Variants in PLXDC2 observed in about 807,000 individuals in gnomAD.
PLXDC2 encodes plexin domain-containing protein 2.
Under a neutral mutation model 68.9 loss-of-function variants are expected in PLXDC2, and 40 were observed. The observed-to-expected ratio is 0.58, with a 90% CI of 0.45 to 0.76. PLXDC2 has a LOEUF of 0.76. Among genes scored for constraint, PLXDC2 ranks in the 30% least tolerant of loss-of-function variants. The probability of loss-of-function intolerance (pLI) is 0.00; values close to 1 mark genes in which losing one functional copy is unlikely to be tolerated. For synonymous variants in PLXDC2, 243 were observed against 234.2 expected, an observed-to-expected ratio of 1.04 and a Z score of -0.34; for missense variants, 644 against 661.9, an observed-to-expected ratio of 0.97 and a Z score of 0.30.
At chr10:20,078,955 G>C (rs72791883) in intron 4 of PLXDC2, among the ~76,000 whole-genome samples, 16,397 of 151,974 alleles carry the variant, frequency 0.11, 1,036 homozygotes, top group South Asian at 0.3. Flanking sequence ...AAGAAAACTA[G>C]AGAAGAATTA....
chr10:19,999,874 A>G (rs1834905078), intron 1 of PLXDC2, among the ~76,000 whole-genome samples: 2 of 152,328 alleles, frequency 1.3e-5, no homozygotes, highest in South Asian at 4.1e-4. Context: ...CTGCTTTTGC[A>G]GGCAGGATAT....
chr10:20,083,476 CAAAAAAAA>C (rs376829237), intron 4 of PLXDC2, among the ~76,000 whole-genome samples: 1 of 121,408 alleles, frequency 8.2e-6, no homozygotes, highest in African/African-American at 3.0e-5. Context: ...GACTCCGTCT[CAAAAAAAA>C]AAAAAAAAAA....
chr10:19,924,970 C>T (rs532634484), intron 1 of PLXDC2, among the ~76,000 whole-genome samples: 23 of 152,134 alleles, frequency 1.5e-4, no homozygotes, highest in Admixed American at 2.6e-4. Flanking sequence ...TATTTCTTAT[C>T]GGTTACCTCG....
chr10:20,115,908 A>G (rs940877956), intron 4 of PLXDC2, among the ~76,000 whole-genome samples: 3 of 152,132 alleles, frequency 2.0e-5, no homozygotes, highest in African/African-American at 4.8e-5. Flanking sequence ...TCACACATTA[A>G]ACGGGAGCTG....
intron 2 of PLXDC2, among the ~76,000 whole-genome samples, chr10:20,044,219 T>TCTCTCTCTCTCTC (rs1835745511): frequency 6.8e-5 from 1 of 14,686 alleles, no homozygotes; most frequent in Non-Finnish European, 1.2e-4. Flanking sequence ...CTGTCTTTCT[T>TCTCTCTCTCTCTC]TCTTTCTTTC....
chr10:20,089,197 TG>T, intron 4 of PLXDC2, among the ~76,000 whole-genome samples: 1 of 151,706 alleles, frequency 6.6e-6, no homozygotes, highest in African/African-American at 2.4e-5. Context: ...TGTGTGTGTG[TG>T]TGTGTGTGTG....
intron 1 of PLXDC2, among the ~76,000 whole-genome samples, chr10:19,842,716 G>T (rs1040862483): frequency 7.9e-5 from 12 of 152,166 alleles, no homozygotes; most frequent in Admixed American, 6.5e-5. Context: ...TAAACACATT[G>T]CAAATTTAGA....
At chr10:20,236,995 T>G (rs1179855648) in intron 12 of PLXDC2, among the ~76,000 whole-genome samples, 2 of 129,514 alleles carry the variant, frequency 1.5e-5, no homozygotes, top group African/African-American at 5.5e-5. Context: ...GGATTATGAG[T>G]TGTTGTTTTT....
At chr10:20,224,528 A>G (rs1835261135) in intron 12 of PLXDC2, among the ~76,000 whole-genome samples, 1 of 152,216 alleles carries the variant, frequency 6.6e-6, no homozygotes, top group Admixed American at 6.5e-5. Flanking sequence ...AGAAATGTAG[A>G]TGTCTTCAAA....
At chr10:20,238,167 C>CAT (rs1434986459) in intron 12 of PLXDC2, among the ~76,000 whole-genome samples, 1 of 149,380 alleles carries the variant, frequency 6.7e-6, no homozygotes, top group African/African-American at 2.4e-5. Context: ...TATGTATATA[C>CAT]ATATATATAC....
At chr10:20,028,693 G>C (rs945806484) in intron 2 of PLXDC2, among the ~76,000 whole-genome samples, 14 of 152,044 alleles carry the variant, frequency 9.2e-5, no homozygotes, top group African/African-American at 3.4e-4. Context: ...ATTTTTTACA[G>C]CCTTTCTCAT....
chr10:19,974,464 G>T (rs1202648373), intron 1 of PLXDC2, among the ~76,000 whole-genome samples: 1 of 152,196 alleles, frequency 6.6e-6, no homozygotes, highest in Admixed American at 6.5e-5. Flanking sequence ...ACTGGCTGAT[G>T]GCTGGACTCT....
At chr10:20,242,656 G>T (rs1183678531) in intron 12 of PLXDC2, among the ~76,000 whole-genome samples, 1 of 152,092 alleles carries the variant, frequency 6.6e-6, no homozygotes, top group Non-Finnish European at 1.5e-5. Flanking sequence ...TATGATGGCA[G>T]ATACTGACCT....
At chr10:20,221,119 A>G (rs911336385) in intron 12 of PLXDC2, among the ~76,000 whole-genome samples, 1 of 150,472 alleles carries the variant, frequency 6.6e-6, no homozygotes, top group Non-Finnish European at 1.5e-5. Context: ...CTGGGATTAC[A>G]AGCGTGAGCC....
At chr10:20,248,763 T>A (rs1835633404) in intron 13 of PLXDC2, among the ~76,000 whole-genome samples, 1 of 152,200 alleles carries the variant, frequency 6.6e-6, no homozygotes, top group African/African-American at 2.4e-5. Context: ...ACGCGTGGAT[T>A]TAAGATTTTT....
chr10:20,203,043 T>C (rs1332943111), intron 9 of PLXDC2, among the ~76,000 whole-genome samples: 1 of 152,120 alleles, frequency 6.6e-6, no homozygotes, highest in African/African-American at 2.4e-5. Context: ...ATTCACCTAT[T>C]TCCAGATAAG....
chr10:19,939,425 C>A (rs982885111), intron 1 of PLXDC2, among the ~76,000 whole-genome samples: 5 of 152,016 alleles, frequency 3.3e-5, no homozygotes, highest in Non-Finnish European at 5.9e-5. Flanking sequence ...TAAGGGACAA[C>A]CCTGGTTAGG....
chr10:20,200,884 T>A (rs1180774198), intron 9 of PLXDC2, among the ~76,000 whole-genome samples: 1 of 152,084 alleles, frequency 6.6e-6, no homozygotes, highest in Non-Finnish European at 1.5e-5. Context: ...TAACAAATGC[T>A]GCTGACAAGG....
chr10:20,158,850 G>A (rs1207357487), intron 6 of PLXDC2, among the ~76,000 whole-genome samples: 1 of 152,104 alleles, frequency 6.6e-6, no homozygotes, highest in Non-Finnish European at 1.5e-5. Context: ...GAGAAAGCCT[G>A]GAATTGTTCA....
Sources: gnomAD v4.1 joint callset for allele counts (sites outside exome capture counted in the v4.1 genomes callset) on GRCh38, gnomAD v4.1.1 for gene constraint, MANE v1.5 for transcripts, NCBI Gene and HGNC (gene_info 2026-07-23, HGNC 2026-07-21) for gene names.